BARHL1: variants seen among roughly 807,000 people sequenced by gnomAD.
The protein encoded by BARHL1 is BarH like homeobox 1.
Under a neutral mutation model 20.1 loss-of-function variants are expected in BARHL1, and 2 were observed. That is an observed-to-expected ratio of 0.10 (90% CI 0.04 to 0.31). The LOEUF (loss-of-function observed/expected upper bound fraction) is 0.31. Ranked by LOEUF, BARHL1 falls within the 10% of genes least tolerant of loss-of-function variation. The pLI is 1.00. For synonymous variants in BARHL1, 213 were observed against 209.9 expected, an observed-to-expected ratio of 1.01 and a Z score of -0.13; for missense variants, 397 against 454.0, an observed-to-expected ratio of 0.87 and a Z score of 1.14.
At position 132,587,847 on chromosome 9, in the gene BARHL1, G is replaced by T. The variant is rs546941623; in HGVS notation, c.689+296G>T. The stretch of plus-strand genomic sequence containing the variant: ...AGTCCTGCCCCAGCTCAGCCGGAGT[G>T]GGGGGAGGTCTGCCTGGAGCCCCCA... On this transcript the variant is annotated intron_variant, in intron 2 of 2. Transcript: ENST00000263610. The surrounding 1 kb of genome is among the most constrained non-coding windows in gnomAD (Gnocchi z 5.5). Among the ~76,000 whole-genome samples the T allele has an allele frequency of 4.6e-4, 70 of 152,260 alleles. No homozygotes were observed. The South Asian group carries it at 4.8e-3, about 10-fold the overall frequency.
Position 132,587,509 on chromosome 9 carries a change from A to G in BARHL1, c.647A>G (p.Asn216Ser). The change falls in exon 2 of 3, where the codon AAC becomes AGC. Residue 216 changes from asparagine (N) to serine (S), a missense_variant. By Grantham distance (46) the Asn-to-Ser change is conservative. This residue lies in a region of BARHL1 where 272 missense variants were observed against 298.7 expected (regional missense o/e 0.91). Transcript: ENST00000263610. This position sits in a 1 kb window ranked among gnomAD's most constrained non-coding sequence, Gnocchi z 5.5. ...QDRMELAASL[N>S]LTDTQVKTWY... ...CGCATGGAGCTCGCCGCCTCGCTCA[A>G]CCTCACCGACACGCAGGTCAAGACC... is the stretch of plus-strand genomic sequence containing the variant. 1.2e-6 allele frequency: 2 copies of G among 1,612,584 alleles called. No individual in the cohort carries two copies. Among genetic ancestry groups the G allele is most frequent in the African/African-American group, 1.3e-5 (1 of 75,026 alleles).
At chr9:132,586,560 G>C (rs1320301315) in intron 1 of BARHL1, among the ~76,000 whole-genome samples, 1 of 152,258 alleles carries the variant, frequency 6.6e-6, no homozygotes. Context: ...ATGCCACGCA[G>C]GTGTAGCAGG....
intron 1 of BARHL1, among the ~76,000 whole-genome samples, chr9:132,586,472 T>A (rs1455837232): frequency 6.6e-6 from 1 of 152,278 alleles, no homozygotes; most frequent in Non-Finnish European, 1.5e-5. Context: ...AGAAACTACC[T>A]GTGCCAGGTC....
chr9:132,589,591 G>C lies in BARHL1; in HGVS notation c.*69G>C. 1.4e-5 allele frequency: 17 copies of C among 1,238,400 alleles called. No individual in the cohort carries two copies. Among genetic ancestry groups the C allele is most frequent in the Non-Finnish European group, 1.7e-5 (17 of 994,986 alleles). The allele number at this position is 1,238,400 out of a possible 1,614,324, so 76.7% of individuals were successfully genotyped here. ...GCCCCTTCCGCCCGCCTTTCTGAGG[G>C]CGCAGGTTCGACGCCCTTTCCCGGG... On this transcript the variant is annotated 3_prime_UTR_variant, in exon 3 of 3. Coordinates refer to ENST00000263610, the MANE Select transcript of BARHL1 (RefSeq NM_020064.4).
Position 132,583,186 on chromosome 9 carries a change from C to T in BARHL1, c.389C>T (p.Ala130Val), listed in dbSNP as rs767294868. ...GCCCCTGAGCCTGGGGGCCGCCTTG[C>T]GGCCAAGGCCGCGGAGGACTTTAGA... ...PAAPEPGGRL[A>V]AKAAEDFRDK... Residue 130 changes from alanine (A) to valine (V), a missense_variant, in exon 1 of 3, where the codon GCG (alanine) becomes GTG (valine). Physicochemically the swap from Ala to Val is moderately conservative, Grantham distance 64. Around this residue, in one of 3 missense-constraint regions of BARHL1, gnomAD observed 272 missense variants for 298.7 expected, o/e 0.91. Coordinates refer to ENST00000263610, the MANE Select transcript of BARHL1 (RefSeq NM_020064.4). The T allele has an allele frequency of 1.5e-5, 24 of 1,613,266 alleles. No individual in the cohort carries two copies. The highest frequency in any genetic ancestry group is 4.2e-6 in the Non-Finnish European group (5 of 1,179,916).
At chr9:132,584,977 C>T (rs576834045) in intron 1 of BARHL1, among the ~76,000 whole-genome samples, 1 of 152,384 alleles carries the variant, frequency 6.6e-6, no homozygotes, top group Admixed American at 6.5e-5. Flanking sequence ...GAGCACGAAT[C>T]TTCCACCGCC....
rs748560585 is a variant in BARHL1 at position 132,589,441 on chromosome 9, C to T, written c.903C>T (p.His301=). ...CTCTGGTGCCCCGCATCCTCATCCA[C>T]GGACTCCAGGGCGCCAGCGAGCCGC... ...QRPLVPRILI[H]GLQGASEPPP... The change falls in exon 3 of 3, where the codon CAC becomes CAT. Residue 301 remains histidine, a synonymous_variant. Transcript: ENST00000263610. The T allele has an allele frequency of 8.1e-6, 13 of 1,600,352 alleles. No individual in the cohort carries two copies. Among genetic ancestry groups the T allele is most frequent in the Non-Finnish European group, 8.5e-7 (1 of 1,174,994 alleles).
At chr9:132,589,149 G>A in intron 2 of BARHL1, 79 bp from the exon 3 acceptor site, 10 of 1,522,888 alleles carry the variant, frequency 6.6e-6, no homozygotes, top group Non-Finnish European at 7.9e-6. Context: ...AGGCTCTCTG[G>A]GCCAAGCAGT....
Position 132,583,051 on chromosome 9 carries a change from C to A in BARHL1, c.254C>A (p.Ala85Asp), listed in dbSNP as rs777244117. ...DSHLQPGQLS[A>D]PAQSRTVTSS... ...CACCTGCAGCCCGGGCAGCTCTCAG[C>A]CCCGGCCCAGTCGCGCACCGTCACC... is the stretch of plus-strand genomic sequence containing the variant. Residue 85 changes from alanine to aspartate, a missense_variant, in exon 1 of 3, where the codon GCC (alanine) becomes GAC (aspartate). By Grantham distance (126) the Ala-to-Asp change is moderately radical. Transcript: ENST00000263610. The A allele has an allele frequency of 6.2e-7, 1 of 1,613,890 alleles. No individual in the cohort carries two copies. Among genetic ancestry groups the A allele is most frequent in the Non-Finnish European group, 8.5e-7 (1 of 1,179,950 alleles).
chr9:132,583,312 A>T (rs763502905), intron 1 of BARHL1, 49 bp downstream of exon 1: 1 of 1,497,536 alleles, frequency 6.7e-7, no homozygotes, highest in East Asian at 2.3e-5. Flanking sequence ...GTATCTAAAA[A>T]CTGACATTTA....
rs368046401 is a variant in BARHL1, at chr9:132,582,786, C to T, written c.-12C>T. On this transcript the variant is annotated 5_prime_UTR_variant, in exon 1 of 3. Transcript: ENST00000263610. ...TGGGGAGCTTTTGGGGAGGACAGGT[C>T]GCAGCTTGGCTATGGAAGGCTCCAA... 66 of 1,565,794 alleles carry T rather than the reference C, an allele frequency of 4.2e-5. No individual in the cohort carries two copies. The Middle Eastern group carries it at 7.0e-4, about 17-fold the overall frequency.
At position 132,589,274 on chromosome 9, in the gene BARHL1, G is replaced by A. The variant is rs1373625144; in HGVS notation, c.736G>A (p.Glu246Lys). Residue 246 changes from glutamate (E) to lysine (K), a missense_variant, in exon 3 of 3, where the codon GAG becomes AAG. By Grantham distance (56) the Glu-to-Lys change is moderately conservative. Coordinates refer to ENST00000263610, the MANE Select transcript of BARHL1 (RefSeq NM_020064.4). ...QTAVGLELLA[E>K]AGNYSALQRM... ...GGCCGTCGGGTTGGAGCTGCTGGCG[G>A]AGGCAGGCAATTACTCAGCGCTCCA... is the stretch of plus-strand genomic sequence containing the variant. 1.2e-6 allele frequency: 2 copies of A among 1,613,082 alleles called. No individual in the cohort carries two copies. The highest frequency in any genetic ancestry group is 3.3e-5 in the Admixed American group (2 of 59,940).
intron 1 of BARHL1, among the ~76,000 whole-genome samples, chr9:132,585,796 CT>C (rs1830137598): frequency 1.3e-5 from 2 of 152,240 alleles, no homozygotes; most frequent in Admixed American, 1.3e-4. Flanking sequence ...ACACCACAAA[CT>C]GAATACCTCC....
At chr9:132,584,158 GAA>G (rs1830104581) in intron 1 of BARHL1, among the ~76,000 whole-genome samples, 2 of 151,390 alleles carry the variant, frequency 1.3e-5, no homozygotes, top group Non-Finnish European at 2.9e-5. Context: ...AGGAAGGAAG[GAA>G]GGAAGGAAGG....
chr9:132,586,412 G>C (rs1485212059), intron 1 of BARHL1, among the ~76,000 whole-genome samples: 1 of 152,246 alleles, frequency 6.6e-6, no homozygotes, highest in African/African-American at 2.4e-5. Context: ...GAGCTTGTTC[G>C]ATTAAGTGTT....
intron 1 of BARHL1, among the ~76,000 whole-genome samples, chr9:132,584,930 T>C (rs1589937578): frequency 1.3e-5 from 2 of 152,338 alleles, no homozygotes; most frequent in Middle Eastern, 6.8e-3. Flanking sequence ...TTATTTACCA[T>C]TTGCAACAAG....
chr9:132,583,911 C>G (rs1830101421), intron 1 of BARHL1, among the ~76,000 whole-genome samples: 2 of 152,202 alleles, frequency 1.3e-5, no homozygotes, highest in Non-Finnish European at 1.5e-5. Flanking sequence ...CCCAATGGCT[C>G]TCATTGAATT....
chr9:132,583,792 C>G (rs927146076), intron 1 of BARHL1, among the ~76,000 whole-genome samples: 2 of 152,350 alleles, frequency 1.3e-5, no homozygotes, highest in East Asian at 1.9e-4. Context: ...GATCCGGGTT[C>G]TGTGAGTCAT....
At chr9:132,585,016 G>A (rs1338247427) in intron 1 of BARHL1, among the ~76,000 whole-genome samples, 1 of 152,242 alleles carries the variant, frequency 6.6e-6, no homozygotes, top group Non-Finnish European at 1.5e-5. Context: ...TGGAGATAGT[G>A]AGGCCCTTGC....
Sources: gnomAD v4.1 joint callset for allele counts (sites outside exome capture counted in the v4.1 genomes callset) on GRCh38, gnomAD v4.1.1 for gene constraint, gnomAD v4.1.1 regional missense constraint, Gnocchi (gnomAD v3.1) non-coding constraint, MANE v1.5 for transcripts, NCBI Gene and HGNC (gene_info 2026-07-23, HGNC 2026-07-21) for gene names.